Variants in FBXO15 observed in about 807,000 individuals in gnomAD.
FBXO15 encodes F-box protein 15.
FBXO15 carries 30 observed loss-of-function variants against 49.5 expected under a neutral mutation model. The ratio of observed to expected loss-of-function variants is 0.61; its 90% CI spans 0.45 to 0.82. The LOEUF (loss-of-function observed/expected upper bound fraction) is 0.82, where lower values mean the gene tolerates loss of function less well. Ranked by LOEUF, FBXO15 falls within the 40% of genes least tolerant of loss-of-function variation. FBXO15 has a pLI of 0.00. For synonymous variants in FBXO15, 250 were observed against 232.7 expected (o/e 1.07, Z -0.68); for missense variants, 591 against 631.5 (o/e 0.94, Z 0.69).
rs1399166791 is a variant in FBXO15, at chr18:74,140,302, CT to C, written c.126del (p.Val44SerfsTer10). ...RARAFGCRKG[P>X]GVKLSAGSAA... ...GCAGAGCCTGCAGAAAGCTTGACCC[CT>C]GGCCCCTTTCTGAAAGTAAATGTGG... is the stretch of plus-strand genomic sequence containing the variant. On this transcript the variant is annotated frameshift_variant, in exon 2 of 10. Transcript: ENST00000419743. LOFTEE classifies it high-confidence loss of function. The C allele has an allele frequency of 1.3e-6, 2 of 1,550,490 alleles. No homozygotes were observed. The highest frequency in any genetic ancestry group is 1.7e-6 in the Non-Finnish European group (2 of 1,146,598).
At chr18:74,084,754 A>T (rs1398213517) in intron 8 of FBXO15, among the ~76,000 whole-genome samples, 2 of 152,176 alleles carry the variant, frequency 1.3e-5, no homozygotes, top group African/African-American at 4.8e-5. Context: ...CTTTAGACTC[A>T]TAAAGACCTC....
At chr18:74,116,029 C>T (rs1294501052) in intron 8 of FBXO15, among the ~76,000 whole-genome samples, 1 of 152,136 alleles carries the variant, frequency 6.6e-6, no homozygotes, top group African/African-American at 2.4e-5. Flanking sequence ...GTTTTCTTTA[C>T]AATTATCTGT....
chr18:74,095,279 A>G (rs1488449564), intron 8 of FBXO15, among the ~76,000 whole-genome samples: 1 of 152,186 alleles, frequency 6.6e-6, no homozygotes, highest in Non-Finnish European at 1.5e-5. Flanking sequence ...TGTATTAATG[A>G]CTTGGCTGTT....
chr18:74,086,627 G>C (rs770999407), intron 8 of FBXO15, among the ~76,000 whole-genome samples: 5 of 152,156 alleles, frequency 3.3e-5, no homozygotes, highest in Non-Finnish European at 7.3e-5. Flanking sequence ...AGCCAGAATG[G>C]TCTCGATCTC....
intron 2 of FBXO15, among the ~76,000 whole-genome samples, chr18:74,137,242 A>G (rs1280663655): frequency 1.3e-5 from 2 of 152,240 alleles, no homozygotes; most frequent in South Asian, 2.1e-4. Flanking sequence ...GATCCTTGCA[A>G]TGAGAAAAAG....
chr18:74,129,092 T>C (rs1978307864), intron 5 of FBXO15, among the ~76,000 whole-genome samples: 1 of 152,186 alleles, frequency 6.6e-6, no homozygotes, highest in Non-Finnish European at 1.5e-5. Flanking sequence ...GAAGATAACA[T>C]ATATCTTTCT....
intron 8 of FBXO15, among the ~76,000 whole-genome samples, chr18:74,111,734 A>G (rs897376967): frequency 2.6e-5 from 4 of 152,164 alleles, no homozygotes; most frequent in African/African-American, 9.6e-5. Flanking sequence ...ATGCAGAAAA[A>G]TCCATGAAAC....
chr18:74,125,387 A>G (rs1273302279), intron 6 of FBXO15, among the ~76,000 whole-genome samples: 1 of 152,252 alleles, frequency 6.6e-6, no homozygotes, highest in Non-Finnish European at 1.5e-5. Context: ...AATCCCGTCT[A>G]GTCATTGTAA....
intron 8 of FBXO15, among the ~76,000 whole-genome samples, chr18:74,108,041 A>G (rs1306839106): frequency 1.3e-5 from 2 of 152,138 alleles, no homozygotes; most frequent in African/African-American, 4.8e-5. Flanking sequence ...TAACCAAAGG[A>G]CTAGAGAATG....
At position 74,074,478 on chromosome 18, in the gene FBXO15, C is replaced by T. The variant is rs1912172680; in HGVS notation, c.1264-748G>A. On this transcript the variant is annotated intron_variant, in intron 9 of 9. Coordinates refer to ENST00000419743, the MANE Select transcript of FBXO15 (RefSeq NM_001142958.2). This position sits in a 1 kb window ranked among gnomAD's most constrained non-coding sequence, Gnocchi z 4.7. ...GACCTCAGTTATTCACTCCCACAGTCACATGGCCGACACAGCACTTCCCGG... is the reference window on the plus strand; with the variant it reads ...GACCTCAGTTATTCACTCCCACAGTTACATGGCCGACACAGCACTTCCCGG... Among the ~76,000 whole-genome samples, 1 of 152,208 alleles carries T rather than the reference C, an allele frequency of 6.6e-6. No individual in the cohort carries two copies. Among genetic ancestry groups the T allele is most frequent in the South Asian group, 2.1e-4 (1 of 4,834 alleles).
Position 74,091,644 on chromosome 18 carries a change from A to G in FBXO15, c.1139-9593T>C, listed in dbSNP as rs141653018. On this transcript the variant is annotated intron_variant, in intron 8 of 9. Transcript: ENST00000419743. ...GGATCTTATTTCTCTTTCCCTTATG[A>G]AGCTTCATTTGTCTGGATATCAAAT... Among the ~76,000 whole-genome samples the G allele has an allele frequency of 2.4e-3, 372 of 152,264 alleles. 2 individuals carry two copies. Among genetic ancestry groups the G allele is most frequent in the South Asian group, 6.0e-3 (29 of 4,826 alleles).
At chr18:74,097,572 C>T (rs947030279) in intron 8 of FBXO15, 1 of 152,382 alleles carries the variant, frequency 6.6e-6, no homozygotes, top group Non-Finnish European at 1.5e-5. Flanking sequence ...GATGTGGGAA[C>T]CACACCTCCA....
At chr18:74,145,586 C>G (rs909845616) in intron 1 of FBXO15, among the ~76,000 whole-genome samples, 2 of 146,978 alleles carry the variant, frequency 1.4e-5, no homozygotes, top group Admixed American at 6.7e-5. Flanking sequence ...TAAAATAAAC[C>G]AACTGCACTT....
chr18:74,127,440 G>C (rs566487697), intron 5 of FBXO15, among the ~76,000 whole-genome samples: 14 of 152,312 alleles, frequency 9.2e-5, no homozygotes, highest in Non-Finnish European at 1.9e-4. Context: ...GACTAGAAAG[G>C]TATAAATTAC....
intron 8 of FBXO15, among the ~76,000 whole-genome samples, chr18:74,093,874 C>T (rs1913162610): frequency 6.6e-6 from 1 of 152,092 alleles, no homozygotes; most frequent in Non-Finnish European, 1.5e-5. Flanking sequence ...TTGACTTTGC[C>T]CAGATCCATC....
At chr18:74,147,556 G>C (rs1979517525) in intron 1 of FBXO15, 114 bp downstream of exon 1, 1 of 1,285,666 alleles carries the variant, frequency 7.8e-7, no homozygotes, top group Non-Finnish European at 9.8e-7. Context: ...TCACGTTGAA[G>C]ACGGCCACGG....
chr18:74,102,398 A>T (rs748907630), intron 8 of FBXO15, among the ~76,000 whole-genome samples: 2 of 152,226 alleles, frequency 1.3e-5, no homozygotes, highest in Non-Finnish European at 2.9e-5. Flanking sequence ...TCAAAACCAC[A>T]ATGCGATAAT....
At chr18:74,097,388 G>C (rs1436434447) in intron 8 of FBXO15, 1 of 151,690 alleles carries the variant, frequency 6.6e-6, no homozygotes, top group Non-Finnish European at 1.5e-5. Context: ...GGTGCTGTTG[G>C]GGGGTTGGGG....
intron 8 of FBXO15, among the ~76,000 whole-genome samples, chr18:74,113,604 T>G (rs1397589505): frequency 6.6e-6 from 1 of 152,142 alleles, no homozygotes; most frequent in Non-Finnish European, 1.5e-5. Flanking sequence ...AAAAGTACAG[T>G]CTATTTTTAG....
Sources: gnomAD v4.1 joint callset for allele counts (sites outside exome capture counted in the v4.1 genomes callset) on GRCh38, gnomAD v4.1.1 for gene constraint, Gnocchi (gnomAD v3.1) non-coding constraint, MANE v1.5 for transcripts, NCBI Gene and HGNC (gene_info 2026-07-23, HGNC 2026-07-21) for gene names.